Variants in SRGAP2C observed in about 807,000 individuals in gnomAD.
SRGAP2C encodes the protein SLIT-ROBO Rho GTPase activating protein 2C, also known as SLIT-ROBO Rho GTPase-activating protein 2C.
Under a neutral mutation model 25.1 loss-of-function variants are expected in SRGAP2C, and 15 were observed. The observed-to-expected ratio is 0.60, with a 90% confidence interval of 0.40 to 0.92. SRGAP2C has a LOEUF of 0.92. SRGAP2C is among the 40% of genes least tolerant of loss of function. The probability of loss-of-function intolerance (pLI) is 0.00; values close to 1 mark genes in which losing one functional copy is unlikely to be tolerated. For synonymous variants in SRGAP2C, 44 were observed against 96.6 expected, an observed-to-expected ratio of 0.46 and a Z score of 3.19; for missense variants, 144 against 264.4, an observed-to-expected ratio of 0.54 and a Z score of 3.16.
intron 2 of SRGAP2C, among the ~76,000 whole-genome samples, chr1:121,207,072 C>CT (rs1655131088): frequency 6.6e-6 from 1 of 150,596 alleles, no homozygotes; most frequent in Non-Finnish European, 1.5e-5. Context: ...GTGACAATGC[C>CT]ACCCCCATCC....
intron 5 of SRGAP2C, among the ~76,000 whole-genome samples, chr1:121,371,085 T>G (rs1659475096): frequency 6.6e-6 from 1 of 151,656 alleles, no homozygotes; most frequent in South Asian, 2.1e-4. Flanking sequence ...AACTGAGAAT[T>G]TAGACTTTTC....
chr1:121,192,138 C>G (rs1236065903), intron 2 of SRGAP2C, among the ~76,000 whole-genome samples: 1 of 151,470 alleles, frequency 6.6e-6, no homozygotes, highest in Non-Finnish European at 1.5e-5. Flanking sequence ...AGCTCTTTCC[C>G]TTGGGAGGTC....
At chr1:121,310,701 T>A (rs1375067316) in intron 3 of SRGAP2C, among the ~76,000 whole-genome samples, 15 of 90,054 alleles carry the variant, frequency 1.7e-4, no homozygotes, top group African/African-American at 6.0e-4. Context: ...CCATTGCTTG[T>A]TTTTCTCAGG....
intron 2 of SRGAP2C, among the ~76,000 whole-genome samples, chr1:121,232,608 G>T (rs1412610825): frequency 1.6e-4 from 24 of 146,588 alleles, no homozygotes; most frequent in Non-Finnish European, 6.0e-5. Context: ...AAAGCCCGTG[G>T]TTTTGCTGCA....
chr1:121,270,936 G>A (rs1324830732), intron 2 of SRGAP2C, among the ~76,000 whole-genome samples: 1 of 150,828 alleles, frequency 6.6e-6, no homozygotes, highest in Admixed American at 6.6e-5. Context: ...GGGACTACAG[G>A]CGCCCGCCAC....
chr1:121,347,638 G>A (rs1658780659), intron 4 of SRGAP2C, among the ~76,000 whole-genome samples: 1 of 152,228 alleles, frequency 6.6e-6, no homozygotes, highest in Non-Finnish European at 1.5e-5. Flanking sequence ...AATGCCAGGA[G>A]GAATGCAGAA....
chr1:121,201,435 G>A (rs1461000496), intron 2 of SRGAP2C, among the ~76,000 whole-genome samples: 1 of 150,464 alleles, frequency 6.6e-6, no homozygotes, highest in Non-Finnish European at 1.5e-5. Flanking sequence ...GAGTGGGACT[G>A]CCAGTCCAGA....
chr1:121,340,235 TC>T (rs1192221105), intron 4 of SRGAP2C, among the ~76,000 whole-genome samples: 3 of 151,850 alleles, frequency 2.0e-5, no homozygotes, highest in Non-Finnish European at 4.4e-5. Context: ...ACCTTGTTTT[TC>T]TTTTGATGTT....
intron 2 of SRGAP2C, among the ~76,000 whole-genome samples, chr1:121,230,951 C>T (rs1157748353): frequency 1.1e-4 from 16 of 141,404 alleles, no homozygotes; most frequent in Admixed American, 2.2e-4. Flanking sequence ...AACCAAACAC[C>T]GCATGTTCTC....
At chr1:121,284,672 G>C in intron 2 of SRGAP2C, 131 bp from the exon 3 acceptor site, 1 of 361,566 alleles carries the variant, frequency 2.8e-6, no homozygotes, top group African/African-American at 4.3e-5. Flanking sequence ...TAGACTTTAG[G>C]CTTTTTTGTT....
At chr1:121,279,396 T>G (rs1345495072) in intron 2 of SRGAP2C, among the ~76,000 whole-genome samples, 68,402 of 111,800 alleles carry the variant, frequency 0.61, 21,933 homozygotes, top group East Asian at 0.77. Context: ...CTGCTGACTG[T>G]TGAATTCCCT....
At position 121,191,888 on chromosome 1, in the gene SRGAP2C, G is replaced by T. The variant is rs587690867; in HGVS notation, c.67+4375G>T. On this transcript the variant is annotated intron_variant, in intron 2 of 9. Transcript: ENST00000367123. The stretch of plus-strand genomic sequence containing the variant: ...ATTTTCTTTCTCGAGAACATTAGGG[G>T]TCTTGTCTTTTTTTTTTTTTTTTTT... 1.2e-4 allele frequency among the ~76,000 whole-genome samples: 17 copies of T among 143,390 alleles called. 1 individual carries two copies. The East Asian group carries it at 3.4e-3, about 28-fold the overall frequency. The allele number at this position is 143,390 out of a possible 152,430, so 94.1% of individuals were successfully genotyped here.
intron 3 of SRGAP2C, among the ~76,000 whole-genome samples, chr1:121,310,839 T>G (rs1299053827): frequency 2.4e-5 from 2 of 82,542 alleles, no homozygotes; most frequent in African/African-American, 8.6e-5. Flanking sequence ...TGTAGTATAG[T>G]TTGAAGTCAG....
At chr1:121,235,107 C>T (rs1345744057) in intron 2 of SRGAP2C, among the ~76,000 whole-genome samples, 21 of 145,882 alleles carry the variant, frequency 1.4e-4, no homozygotes, top group African/African-American at 5.0e-4. Context: ...CTGCAAGCTC[C>T]GCCTCCCGGG....
intron 2 of SRGAP2C, among the ~76,000 whole-genome samples, chr1:121,258,674 CA>C (rs1656540202): frequency 7.4e-6 from 1 of 135,790 alleles, no homozygotes; most frequent in African/African-American, 2.8e-5. Context: ...CCATGTTGTT[CA>C]GGCCATCTAT....
chr1:121,374,586 T>A (rs1288731856), intron 6 of SRGAP2C, among the ~76,000 whole-genome samples: 1 of 152,118 alleles, frequency 6.6e-6, no homozygotes, highest in Non-Finnish European at 1.5e-5. Flanking sequence ...AGAATGATAT[T>A]TGAAGATAGA....
chr1:121,367,463 C>T (rs1246502424), intron 5 of SRGAP2C, among the ~76,000 whole-genome samples: 2 of 151,756 alleles, frequency 1.3e-5, no homozygotes, highest in African/African-American at 4.8e-5. Context: ...TCCTACAGTG[C>T]ACAGGGCAGC....
chr1:121,289,177 C>T (rs1657440163), intron 3 of SRGAP2C, among the ~76,000 whole-genome samples: 1 of 149,328 alleles, frequency 6.7e-6, no homozygotes, highest in Non-Finnish European at 1.5e-5. Context: ...CGGGGAGGCT[C>T]CGGCCGCACA....
chr1:121,377,110 T>TAA (rs71273316), intron 7 of SRGAP2C, among the ~76,000 whole-genome samples: 1 of 122,566 alleles, frequency 8.2e-6, no homozygotes. Context: ...TTTCATCATT[T>TAA]AAAAAAAAAA....
Sources: gnomAD v4.1 joint callset for allele counts (sites outside exome capture counted in the v4.1 genomes callset) on GRCh38, gnomAD v4.1.1 for gene constraint, MANE v1.5 for transcripts, NCBI Gene and HGNC (gene_info 2026-07-23, HGNC 2026-07-21) for gene names.